MACROD2: variants seen among roughly 807,000 people sequenced by gnomAD.
The protein encoded by MACROD2 is ADP-ribose glycohydrolase MACROD2.
Under a neutral mutation model 70.4 loss-of-function variants are expected in MACROD2, and 36 were observed. The ratio of observed to expected loss-of-function variants is 0.51; its 90% CI spans 0.39 to 0.68. MACROD2 has a LOEUF of 0.68. Ranked by LOEUF, MACROD2 falls within the 30% of genes least tolerant of loss-of-function variation. The pLI is 0.00. For synonymous variants in MACROD2, 172 were observed against 178.8 expected (o/e 0.96, Z 0.30); for missense variants, 496 against 538.4 (o/e 0.92, Z 0.78).
chr20:14,907,007 A>G (rs1449888931), intron 5 of MACROD2, among the ~76,000 whole-genome samples: 1 of 152,162 alleles, frequency 6.6e-6, no homozygotes, highest in Non-Finnish European at 1.5e-5. Context: ...TCAGCTCTGG[A>G]GGTGGAACTT....
intron 10 of MACROD2, among the ~76,000 whole-genome samples, chr20:15,887,423 G>A (rs928492767): frequency 1.3e-5 from 2 of 152,142 alleles, no homozygotes; most frequent in Non-Finnish European, 2.9e-5. Flanking sequence ...GGTAGAAGAG[G>A]AACTGTAGCA....
At chr20:14,574,103 C>T (rs1475766578) in intron 4 of MACROD2, among the ~76,000 whole-genome samples, 1 of 152,160 alleles carries the variant, frequency 6.6e-6, no homozygotes, top group Non-Finnish European at 1.5e-5. Flanking sequence ...GACACTGCTG[C>T]CTGTGAGACA....
chr20:15,776,630 T>G (rs1191329757), intron 8 of MACROD2, among the ~76,000 whole-genome samples: 2 of 152,182 alleles, frequency 1.3e-5, no homozygotes, highest in Non-Finnish European at 2.9e-5. Context: ...ATTGATACTC[T>G]TAGTACACAC....
intron 8 of MACROD2, chr20:15,619,611 CT>C: frequency 2.2e-6 from 1 of 453,202 alleles, no homozygotes. Flanking sequence ...GCTTATTCTC[CT>C]ATTTGGCTTT....
At chr20:14,550,360 T>G (rs1978572415) in intron 4 of MACROD2, among the ~76,000 whole-genome samples, 1 of 152,128 alleles carries the variant, frequency 6.6e-6, no homozygotes, top group Non-Finnish European at 1.5e-5. Context: ...ATAGACTGAA[T>G]GTTTGTGTCC....
chr20:15,273,505 T>C (rs1173647032), intron 6 of MACROD2, among the ~76,000 whole-genome samples: 2 of 152,160 alleles, frequency 1.3e-5, no homozygotes, highest in Non-Finnish European at 2.9e-5. Context: ...AAGCTAATGC[T>C]TTCTCTACAA....
chr20:14,589,470 C>G (rs1981615136), intron 4 of MACROD2, among the ~76,000 whole-genome samples: 1 of 152,128 alleles, frequency 6.6e-6, no homozygotes, highest in Non-Finnish European at 1.5e-5. Flanking sequence ...CATTTGGTAG[C>G]AATGTTGCCA....
chr20:14,494,423 T>G (rs1373644429), intron 4 of MACROD2, among the ~76,000 whole-genome samples: 1 of 152,116 alleles, frequency 6.6e-6, no homozygotes, highest in East Asian at 1.9e-4. Context: ...AACAGTTGAT[T>G]TTTAAAAAAC....
At chr20:14,817,540 C>T (rs1336104990) in intron 5 of MACROD2, among the ~76,000 whole-genome samples, 2 of 152,130 alleles carry the variant, frequency 1.3e-5, no homozygotes, top group African/African-American at 4.8e-5. Flanking sequence ...CTTACTGACT[C>T]CTTGGGCTGT....
chr20:15,520,986 T>C (rs931272108), intron 8 of MACROD2, among the ~76,000 whole-genome samples: 1 of 152,214 alleles, frequency 6.6e-6, no homozygotes, highest in African/African-American at 2.4e-5. Context: ...TCAGATACAT[T>C]TAATGGCAAG....
intron 12 of MACROD2, among the ~76,000 whole-genome samples, chr20:15,949,701 T>C (rs765930560): frequency 6.6e-6 from 1 of 152,180 alleles, no homozygotes; most frequent in Non-Finnish European, 1.5e-5. Context: ...CTCTTATAGA[T>C]AAGACCTAGA....
At chr20:14,437,033 C>T (rs1003472648) in intron 3 of MACROD2, among the ~76,000 whole-genome samples, 1 of 152,100 alleles carries the variant, frequency 6.6e-6, no homozygotes, top group East Asian at 1.9e-4. Context: ...TTCAATTTGG[C>T]AGGACCCAAG....
rs796566416 is a variant in MACROD2, at chr20:14,824,859, T to C, written c.418+139900T>C. 1.6e-4 allele frequency among the ~76,000 whole-genome samples: 24 copies of C among 152,254 alleles called. 1 individual carries two copies. The highest frequency in any genetic ancestry group is 5.5e-4 in the African/African-American group (23 of 41,552). On this transcript the variant is annotated intron_variant, in intron 5 of 17. Transcript: ENST00000684519. ...TCTCAGGCAGAAAAAATAGTGTTTA[T>C]TGAGGTACTACCATGTGCCGGTCAC...
intron 5 of MACROD2, among the ~76,000 whole-genome samples, chr20:14,804,639 G>T: frequency 6.6e-6 from 1 of 151,988 alleles, no homozygotes; most frequent in Non-Finnish European, 1.5e-5. Flanking sequence ...GTACTGACCT[G>T]TGGTGGGGTC....
At chr20:14,519,114 C>G (rs913897092) in intron 4 of MACROD2, among the ~76,000 whole-genome samples, 12 of 152,056 alleles carry the variant, frequency 7.9e-5, no homozygotes, top group African/African-American at 2.7e-4. Context: ...CTAAGTTAAA[C>G]AAAGAAAATT....
chr20:15,447,045 A>AGT (rs1395417856), intron 7 of MACROD2, among the ~76,000 whole-genome samples: 3 of 120,382 alleles, frequency 2.5e-5, no homozygotes, highest in African/African-American at 3.1e-5. Context: ...GGGACCTAAG[A>AGT]GTGTGCGTGT....
intron 5 of MACROD2, among the ~76,000 whole-genome samples, chr20:14,829,150 G>A (rs1319268786): frequency 8.7e-6 from 1 of 115,406 alleles, no homozygotes; most frequent in Non-Finnish European, 1.8e-5. Flanking sequence ...TTTTTTTTGA[G>A]ACAGAGTCTC....
intron 5 of MACROD2, among the ~76,000 whole-genome samples, chr20:15,156,163 G>A (rs895282142): frequency 2.0e-5 from 3 of 152,126 alleles, no homozygotes; most frequent in Non-Finnish European, 2.9e-5. Flanking sequence ...TGTGACTAAA[G>A]AAGTGATGGC....
At chr20:14,989,099 T>A (rs184351085) in intron 5 of MACROD2, among the ~76,000 whole-genome samples, 53 of 152,324 alleles carry the variant, frequency 3.5e-4, no homozygotes, top group East Asian at 5.8e-4. Context: ...TGGTTTTTTT[T>A]AAAAAGTATG....
Sources: gnomAD v4.1 joint callset for allele counts (sites outside exome capture counted in the v4.1 genomes callset) on GRCh38, gnomAD v4.1.1 for gene constraint, MANE v1.5 for transcripts, NCBI Gene and HGNC (gene_info 2026-07-23, HGNC 2026-07-21) for gene names.